PCDHA1: variants seen among roughly 807,000 people sequenced by gnomAD.
PCDHA1 encodes the protein protocadherin alpha-1.
PCDHA1 carries 42 observed loss-of-function variants against 61.3 expected under a neutral mutation model. The observed-to-expected ratio is 0.69, with a 90% CI of 0.54 to 0.89. The LOEUF (loss-of-function observed/expected upper bound fraction) is 0.89, where lower values mean the gene tolerates loss of function less well. PCDHA1 is among the 40% of genes least tolerant of loss of function. The probability of loss-of-function intolerance (pLI) is 0.00; values close to 1 mark genes in which losing one functional copy is unlikely to be tolerated. For synonymous variants in PCDHA1, 610 were observed against 553.8 expected, an observed-to-expected ratio of 1.10 and a Z score of -1.43; for missense variants, 1,256 against 1,235.3, an observed-to-expected ratio of 1.02 and a Z score of -0.25.
In PCDHA1 at chr5:140,917,330, A is replaced by T. The variant is rs155802; in HGVS notation, c.2395-61619A>T. On this transcript the variant is annotated intron_variant, in intron 1 of 3. Coordinates refer to ENST00000504120, the MANE Select transcript of PCDHA1 (RefSeq NM_018900.4). The stretch of plus-strand genomic sequence containing the variant: ...CAATTTGGTGTTCATGTGGCGGGGG[A>T]GGGGGGGGATGGTGTAGGCTTCTGT... Among the ~76,000 whole-genome samples, 56 of 103,230 alleles carry T rather than the reference A, an allele frequency of 5.4e-4. 2 individuals are homozygous for T. In the South Asian group the frequency reaches 0.01, roughly 19 times the overall value. The allele number at this position is 103,230 out of a possible 152,430, so 67.7% of individuals were successfully genotyped here.
intron 1 of PCDHA1, chr5:140,928,909 C>T (rs1364728842): frequency 1.6e-5 from 26 of 1,614,034 alleles, no homozygotes; most frequent in Non-Finnish European, 2.1e-5. Flanking sequence ...TGTCTGGGAA[C>T]CAGGAGGGCA....
At chr5:140,882,408 G>T in intron 1 of PCDHA1, 2 of 1,614,138 alleles carry the variant, frequency 1.2e-6, no homozygotes, top group Non-Finnish European at 8.5e-7. Flanking sequence ...TTCGTGGGCC[G>T]CATCGCTCAG....
At position 140,849,972 on chromosome 5, in the gene PCDHA1, T is replaced by C. The variant is rs2150460905; in HGVS notation, c.2394+61288T>C. On this transcript the variant is annotated intron_variant, in intron 1 of 3. Transcript: ENST00000504120. The stretch of plus-strand genomic sequence containing the variant: ...GCAGGAGAACGCCCTGGTGTCCTAC[T>C]CGCTGGTGGAGCGGCGGTTGGGCGA... 4 of 1,597,588 alleles carry C rather than the reference T, an allele frequency of 2.5e-6. 1 individual carries two copies. Among genetic ancestry groups the C allele is most frequent in the Non-Finnish European group, 3.4e-6 (4 of 1,167,892 alleles).
intron 1 of PCDHA1, chr5:140,801,585 G>T: frequency 6.2e-7 from 1 of 1,614,216 alleles, no homozygotes; most frequent in Non-Finnish European, 8.5e-7. Flanking sequence ...TAATGACAAC[G>T]CGCCAGTTTT....
intron 1 of PCDHA1, chr5:140,928,782 T>C (rs2085522837): frequency 6.2e-7 from 1 of 1,614,030 alleles, no homozygotes; most frequent in East Asian, 2.2e-5. Context: ...CTGATGCAGT[T>C]AAGCAGAGGG....
chr5:140,961,037 A>C (rs1222978592), intron 1 of PCDHA1, among the ~76,000 whole-genome samples: 2 of 152,188 alleles, frequency 1.3e-5, no homozygotes, highest in African/African-American at 4.8e-5. Flanking sequence ...CCTTGTTTTG[A>C]GTCATTAACA....
chr5:140,841,219 G>C (rs2150312047), intron 1 of PCDHA1: 33 of 1,437,984 alleles, frequency 2.3e-5, no homozygotes, highest in Admixed American at 4.6e-5. Flanking sequence ...TCTAAAGGCC[G>C]AACAACGGGA....
At chr5:140,995,371 C>G (rs143381591) in intron 3 of PCDHA1, among the ~76,000 whole-genome samples, 3 of 152,120 alleles carry the variant, frequency 2.0e-5, no homozygotes, top group Admixed American at 1.3e-4. Flanking sequence ...GGATGATTCA[C>G]GTACTGGGCA....
intron 1 of PCDHA1, chr5:140,841,464 T>C (rs2150316083): frequency 2.1e-5 from 34 of 1,612,868 alleles, no homozygotes; most frequent in Admixed American, 3.3e-5. Flanking sequence ...GTGGGCCGGA[T>C]CGCGCAGGAC....
intron 1 of PCDHA1, chr5:140,825,414 T>A (rs1768561568): frequency 6.8e-6 from 1 of 146,716 alleles, no homozygotes. Context: ...ATATTTTATA[T>A]AATATATATA....
chr5:140,807,397 CCG>C lies in PCDHA1; in HGVS notation c.2394+18716_2394+18717del, dbSNP rs782638629. On this transcript the variant is annotated intron_variant, in intron 1 of 3. Coordinates refer to ENST00000504120, the MANE Select transcript of PCDHA1 (RefSeq NM_018900.4). ...GCCTGTTCCGGGTGGCGTCCAAGGGCCGCGGAGGCCTTCTGGAGGTAAATCTG... is the reference window on the plus strand; with the variant it reads ...GCCTGTTCCGGGTGGCGTCCAAGGGCCGGAGGCCTTCTGGAGGTAAATCTG... 8 of 1,344,444 alleles carry C rather than the reference CCG, an allele frequency of 6.0e-6. 3 individuals carry two copies. Among genetic ancestry groups the C allele is most frequent in the Non-Finnish European group, 6.0e-6 (6 of 1,004,946 alleles). The allele number at this position is 1,344,444 out of a possible 1,614,324, so 83.3% of individuals were successfully genotyped here. A position where few individuals can be genotyped will look rare whatever the true frequency, so the allele number is the denominator to read the frequency against.
At chr5:141,007,280 T>G (rs946303708) in intron 3 of PCDHA1, among the ~76,000 whole-genome samples, 1 of 151,106 alleles carries the variant, frequency 6.6e-6, no homozygotes, top group East Asian at 1.9e-4. Flanking sequence ...CTGGGTGCAG[T>G]GGGCTCATGC....
At chr5:140,850,689 T>A in intron 1 of PCDHA1, 2 of 1,594,932 alleles carry the variant, frequency 1.3e-6, no homozygotes, top group Non-Finnish European at 1.7e-6. Context: ...CGAGGGCGAG[T>A]GCGCGCCTGG....
intron 1 of PCDHA1, among the ~76,000 whole-genome samples, chr5:140,846,739 C>A (rs1314749505): frequency 8.0e-5 from 12 of 149,210 alleles, no homozygotes; most frequent in Non-Finnish European, 6.0e-5. Context: ...TTAAATAGGA[C>A]CCTTACAGAT....
rs1554117383 is a variant in PCDHA1 at position 140,786,430 on chromosome 5, G to A, written c.140G>A (p.Arg47His). ...GCCAAACACGGCACCTTCGTTGGCC[G>A]CGTTGCTCAGGACCTGGGACTGGAG... is the stretch of plus-strand genomic sequence containing the variant. ...EEAKHGTFVGRVAQDLGLELA... is the reference protein window; with the variant it reads ...EEAKHGTFVGHVAQDLGLELA... Residue 47 changes from arginine (R) to histidine (H), a missense_variant, in exon 1 of 4, where the codon CGC becomes CAC. Transcript: ENST00000504120. The A allele has an allele frequency of 4.3e-6, 7 of 1,613,446 alleles. No individual in the cohort carries two copies. The South Asian group carries it at 6.6e-5, about 15-fold the overall frequency.
In PCDHA1 at chr5:140,978,698, A is replaced by C. The variant is rs150194035; in HGVS notation, c.2395-251A>C. 1.4e-3 allele frequency among the ~76,000 whole-genome samples: 215 copies of C among 152,372 alleles called. 5 individuals carry two copies. In the South Asian group the frequency reaches 0.033, roughly 23 times the overall value. ...ACATGTATTGGGCAAGGCAAAGCCA[A>C]AGGTGGCCTTTACAAGATTATTAAA... is the stretch of plus-strand genomic sequence containing the variant. On this transcript the variant is annotated intron_variant, in intron 1 of 3. Transcript: ENST00000504120.
At chr5:140,795,887 T>C in intron 1 of PCDHA1, 1 of 1,613,926 alleles carries the variant, frequency 6.2e-7, no homozygotes, top group Non-Finnish European at 8.5e-7. Context: ...AAGGGAAAAT[T>C]AGATTATGAA....
intron 1 of PCDHA1, chr5:140,882,819 A>G: frequency 6.2e-7 from 1 of 1,614,244 alleles, no homozygotes; most frequent in Non-Finnish European, 8.5e-7. Flanking sequence ...GACGCACAAA[A>G]CAGTCTTGAG....
chr5:140,885,051 A>G (rs2060446316), intron 1 of PCDHA1, among the ~76,000 whole-genome samples: 1 of 152,230 alleles, frequency 6.6e-6, no homozygotes, highest in Non-Finnish European at 1.5e-5. Context: ...TAATGTATAC[A>G]TATACCCACA....
Sources: gnomAD v4.1 joint callset for allele counts (sites outside exome capture counted in the v4.1 genomes callset) on GRCh38, gnomAD v4.1.1 for gene constraint, MANE v1.5 for transcripts, NCBI Gene and HGNC (gene_info 2026-07-23, HGNC 2026-07-21) for gene names.